The following TMEM72 variants were observed in gnomAD, a reference collection of about 807,000 sequenced individuals.
The protein encoded by TMEM72 is transmembrane protein 72.
In TMEM72, 9 loss-of-function variants were observed where a neutral mutation model predicts 16.3. The ratio of observed to expected loss-of-function variants is 0.55; its 90% CI spans 0.33 to 0.96. The LOEUF is 0.96. Among genes scored for constraint, TMEM72 ranks in the 40% least tolerant of loss-of-function variants. The pLI, the probability that TMEM72 is intolerant of heterozygous loss-of-function variation, is 0.03. For synonymous variants in TMEM72, 160 were observed against 146.5 expected, an observed-to-expected ratio of 1.09 and a Z score of -0.66; for missense variants, 324 against 337.8, an observed-to-expected ratio of 0.96 and a Z score of 0.32.
chr10:44,933,748 G>C lies in TMEM72; in HGVS notation c.321G>C (p.Pro107=), dbSNP rs542230870. The C allele has an allele frequency of 1.2e-6, 2 of 1,614,004 alleles. No individual in the cohort carries two copies. The highest frequency in any genetic ancestry group is 2.2e-5 in the East Asian group (1 of 44,874). The part of the protein sequence containing the change: ...LLLSVACFLH[P]VLVWHVTIPG... ...TGTCGGTGGCCTGCTTCCTCCACCC[G>C]GTCCTGGTCTGGCACGTGACCATCC... Residue 107 remains proline (P), a synonymous_variant, in exon 4 of 5, where the codon CCG becomes CCC. Transcript: ENST00000389583.
intron 1 of TMEM72, among the ~76,000 whole-genome samples, chr10:44,920,867 T>C (rs1257631411): frequency 6.6e-6 from 1 of 152,230 alleles, no homozygotes; most frequent in Non-Finnish European, 1.5e-5. Context: ...GCTTTTCTGA[T>C]GCAGGCCCCA....
At chr10:44,923,621 G>A (rs1478306422) in intron 1 of TMEM72, among the ~76,000 whole-genome samples, 1 of 152,198 alleles carries the variant, frequency 6.6e-6, no homozygotes, top group Non-Finnish European at 1.5e-5. Context: ...CGTATGGAGA[G>A]GGCCTACTGT....
chr10:44,933,351 G>A (rs1313821993), intron 3 of TMEM72, among the ~76,000 whole-genome samples: 3 of 152,274 alleles, frequency 2.0e-5, no homozygotes, highest in Non-Finnish European at 2.9e-5. Context: ...GCCTCCAGCT[G>A]TCTTCCTCAC....
At chr10:44,923,522 T>C (rs1282466433) in intron 1 of TMEM72, among the ~76,000 whole-genome samples, 1 of 152,164 alleles carries the variant, frequency 6.6e-6, no homozygotes, top group South Asian at 2.1e-4. Flanking sequence ...CCAATTTTCC[T>C]GAGAGATGGC....
chr10:44,935,988 A>T lies in TMEM72; in HGVS notation c.*854A>T, dbSNP rs1268238144. ...GTGCCGTGTTTAGGCACTTGGTAGC[A>T]GAATAGGTGATAAATATAAATGTCT... On this transcript the variant is annotated 3_prime_UTR_variant, in exon 5 of 5. Transcript: ENST00000389583. 1 of 152,260 alleles carries T rather than the reference A, an allele frequency of 6.6e-6. No individual in the cohort carries two copies. Among genetic ancestry groups the T allele is most frequent in the Non-Finnish European group, 1.5e-5 (1 of 68,062 alleles). The allele number at this position is 152,260 out of a possible 1,614,324, so 9.4% of individuals were successfully genotyped here. A position where few individuals can be genotyped will look rare whatever the true frequency, so the allele number is the denominator to read the frequency against.
intron 1 of TMEM72, among the ~76,000 whole-genome samples, chr10:44,917,672 C>T (rs1219047075): frequency 6.6e-6 from 1 of 152,100 alleles, no homozygotes; most frequent in Admixed American, 6.5e-5. Flanking sequence ...AAGTGGCTGA[C>T]ACTGTGAAGA....
In TMEM72 at chr10:44,934,705, G is replaced by A. The variant is rs17157262; in HGVS notation, c.399G>A (p.Arg133=). The stretch of plus-strand genomic sequence containing the variant: ...TGGCCTACTTCCTTCTGAGCAAGCG[G>A]AAGAAGAGGAAAGCTGCCCCCGAGG... ...TGLAYFLLSK[R]KKRKAAPEVL... The change falls in exon 5 of 5, where the codon CGG becomes CGA. Residue 133 remains arginine (R), a synonymous_variant. Coordinates refer to ENST00000389583, the MANE Select transcript of TMEM72 (RefSeq NM_001123376.3). The A allele has an allele frequency of 2.3e-3, 3,634 of 1,608,772 alleles. 51 individuals carry two copies. In the African/African-American group the frequency reaches 0.035, roughly 16 times the overall value.
At position 44,925,802 on chromosome 10, in the gene TMEM72, T is replaced by G. The variant is rs73277485; in HGVS notation, c.71-2119T>G. On this transcript the variant is annotated intron_variant, in intron 1 of 4. Transcript: ENST00000389583. ...GTACCTTCTCATAGGACTGCTGCAA[T>G]GATTAAACAAGCAAATGAATGCTGG... Among the ~76,000 whole-genome samples the G allele has an allele frequency of 1.1e-3, 174 of 152,302 alleles. 1 individual carries two copies. The highest frequency in any genetic ancestry group is 3.9e-3 in the African/African-American group (162 of 41,556).
intron 1 of TMEM72, among the ~76,000 whole-genome samples, chr10:44,926,279 G>T (rs930547344): frequency 9.2e-5 from 14 of 152,138 alleles, no homozygotes; most frequent in Non-Finnish European, 1.5e-4. Flanking sequence ...GAAAGCAGTG[G>T]GTAGCAGGAA....
intron 1 of TMEM72, among the ~76,000 whole-genome samples, chr10:44,924,547 G>C (rs1412617003): frequency 6.6e-6 from 1 of 152,242 alleles, no homozygotes; most frequent in Admixed American, 6.5e-5. Context: ...GGGTGGGCCT[G>C]CCGCTCCCAG....
rs866375925 is a variant in TMEM72, at chr10:44,934,645, C to G, written c.350-11C>G. 3 of 1,547,514 alleles carry G rather than the reference C, an allele frequency of 1.9e-6. No homozygotes were observed. Among genetic ancestry groups the G allele is most frequent in the African/African-American group, 2.8e-5 (2 of 72,362 alleles). On this transcript the variant is annotated splice_polypyrimidine_tract_variant and intron_variant, in intron 4 of 4. Coordinates refer to ENST00000389583, the MANE Select transcript of TMEM72 (RefSeq NM_001123376.3). Reference sequence around the variant, plus strand: ...ACTCCTCTAGAGCCCTGACCTCTGGCTCTTTTCCAGGCTCCATGCTCATCA... The same window carrying G: ...ACTCCTCTAGAGCCCTGACCTCTGGGTCTTTTCCAGGCTCCATGCTCATCA...
chr10:44,933,923 G>A lies in TMEM72; in HGVS notation c.349+147G>A, dbSNP rs148982312. ...TCTCTGACCTAGAGGGTGGACATGA[G>A]GAATCATCGGAATGCCAGACATACT... On this transcript the variant is annotated intron_variant, in intron 4 of 4. Coordinates refer to ENST00000389583, the MANE Select transcript of TMEM72 (RefSeq NM_001123376.3). 1.5e-3 allele frequency: 1,459 copies of A among 991,816 alleles called. 4 individuals are homozygous for A. Among genetic ancestry groups the A allele is most frequent in the Non-Finnish European group, 1.9e-3 (1,314 of 706,156 alleles). The allele number at this position is 991,816 out of a possible 1,614,324, so 61.4% of individuals were successfully genotyped here.
Position 44,917,776 on chromosome 10 carries a change from A to G in TMEM72, c.70+6194A>G, listed in dbSNP as rs566660654. ...ACAGAGAACAATGGGAGCATGGACA[A>G]TGCTTTCTGGAAACCTGCCATGTGG... On this transcript the variant is annotated intron_variant, in intron 1 of 4. Transcript: ENST00000389583. 3.3e-4 allele frequency among the ~76,000 whole-genome samples: 51 copies of G among 152,250 alleles called. 1 individual carries two copies. Among genetic ancestry groups the G allele is most frequent in the African/African-American group, 1.1e-3 (45 of 41,522 alleles).
chr10:44,934,896 G>A lies in TMEM72; in HGVS notation c.590G>A (p.Ser197Asn). The change falls in exon 5 of 5, where the codon AGT becomes AAT. Residue 197 changes from serine (S) to asparagine (N), a missense_variant. Ser to Asn is a conservative substitution (Grantham distance 46). Coordinates refer to ENST00000389583, the MANE Select transcript of TMEM72 (RefSeq NM_001123376.3). ...ATCCTGAAGGGGACTAAGAAGCCCA[G>A]TGCCCTCCAGCCCCCCAACACCCTG... ...KSILKGTKKP[S>N]ALQPPNTLME... 6.2e-7 allele frequency: 1 copy of A among 1,613,454 alleles called. No homozygotes were observed. The highest frequency in any genetic ancestry group is 8.5e-7 in the Non-Finnish European group (1 of 1,179,824).
intron 1 of TMEM72, among the ~76,000 whole-genome samples, chr10:44,927,605 C>CA (rs1840216920): frequency 6.6e-6 from 1 of 152,230 alleles, no homozygotes; most frequent in Non-Finnish European, 1.5e-5. Context: ...CAGCACATGA[C>CA]AGAGAACAGC....
intron 1 of TMEM72, among the ~76,000 whole-genome samples, chr10:44,912,745 A>C (rs1839955802): frequency 6.6e-6 from 1 of 152,204 alleles, no homozygotes; most frequent in Non-Finnish European, 1.5e-5. Flanking sequence ...GACACACTCC[A>C]GAGCTCAATG....
chr10:44,932,936 A>T (rs1025521541), intron 3 of TMEM72, among the ~76,000 whole-genome samples: 4 of 152,212 alleles, frequency 2.6e-5, no homozygotes, highest in Non-Finnish European at 4.4e-5. Context: ...GCTTTGGGCC[A>T]CCTGGACAGC....
At chr10:44,931,015 C>G (rs1486579290) in intron 2 of TMEM72, among the ~76,000 whole-genome samples, 1 of 152,194 alleles carries the variant, frequency 6.6e-6, no homozygotes, top group Non-Finnish European at 1.5e-5. Flanking sequence ...TAAGCCCGAC[C>G]CACTGTGAGC....
Position 44,936,150 on chromosome 10 carries a change from C to T in TMEM72, c.*1016C>T, listed in dbSNP as rs1240191312. The T allele has an allele frequency of 6.6e-6, 1 of 152,224 alleles. No homozygotes were observed. Among genetic ancestry groups the T allele is most frequent in the Non-Finnish European group, 1.5e-5 (1 of 68,044 alleles). 9.4% of individuals were successfully genotyped at this position (152,224 alleles called of 1,614,324 possible). On this transcript the variant is annotated 3_prime_UTR_variant, in exon 5 of 5. Transcript: ENST00000389583. ...CCAGAAGGAACAAAGACATCTGAAT[C>T]AGATATTCCTTTGTAAATCTGTAAA...
Sources: gnomAD v4.1 joint callset for allele counts (sites outside exome capture counted in the v4.1 genomes callset) on GRCh38, gnomAD v4.1.1 for gene constraint, MANE v1.5 for transcripts, NCBI Gene and HGNC (gene_info 2026-07-23, HGNC 2026-07-21) for gene names.